Variants in PARM1 observed in about 807,000 individuals in gnomAD.
PARM1 encodes WSC4, cell wall integrity and stress response component 4 homolog.
Under a neutral mutation model 24.6 loss-of-function variants are expected in PARM1, and 14 were observed. The observed-to-expected ratio is 0.57, with a 90% CI of 0.38 to 0.89. The LOEUF (loss-of-function observed/expected upper bound fraction) is 0.89. Ranked by LOEUF, PARM1 falls within the 40% of genes least tolerant of loss-of-function variation. The probability of loss-of-function intolerance (pLI) is 0.00; values close to 1 mark genes in which losing one functional copy is unlikely to be tolerated. For synonymous variants in PARM1, 179 were observed against 156.6 expected (o/e 1.14, Z -1.07); for missense variants, 362 against 380.4 (o/e 0.95, Z 0.40).
chr4:74,979,462 GAAAT>G (rs1454064184), intron 1 of PARM1, among the ~76,000 whole-genome samples: 1 of 152,036 alleles, frequency 6.6e-6, no homozygotes, highest in African/African-American at 2.4e-5. Context: ...AATTGAGGCA[GAAAT>G]AAATAGCCTA....
At chr4:74,951,059 T>C (rs1386843135) in intron 1 of PARM1, among the ~76,000 whole-genome samples, 1 of 152,240 alleles carries the variant, frequency 6.6e-6, no homozygotes, top group Non-Finnish European at 1.5e-5. Context: ...ATGTTGCTCC[T>C]TGGAGACCAA....
intron 2 of PARM1, among the ~76,000 whole-genome samples, chr4:75,018,498 T>C (rs1723029593): frequency 6.6e-6 from 1 of 152,212 alleles, no homozygotes; most frequent in African/African-American, 2.4e-5. Context: ...GTCATTGTCA[T>C]GCACTGATAG....
chr4:75,027,509 TAAG>T (rs1723204797), intron 2 of PARM1, among the ~76,000 whole-genome samples: 1 of 152,182 alleles, frequency 6.6e-6, no homozygotes, highest in South Asian at 2.1e-4. Context: ...GTCTAAGAAC[TAAG>T]GTTTTCTTTT....
At position 74,933,222 on chromosome 4, in the gene PARM1, C is replaced by G; in HGVS notation, c.-106C>G. ...AGCTGTTCGCGCCTCCCGGCTCCCA[C>G]CGCAGCCCACCCGGCAGAGGAGTCG... On this transcript the variant is annotated 5_prime_UTR_variant, in exon 1 of 4. Coordinates refer to ENST00000307428, the MANE Select transcript of PARM1 (RefSeq NM_015393.4). The G allele has an allele frequency of 8.1e-6, 8 of 981,606 alleles. No individual in the cohort carries two copies. The South Asian group carries it at 1.2e-4, about 14-fold the overall frequency. The allele number at this position is 981,606 out of a possible 1,614,324, so 60.8% of individuals were successfully genotyped here.
chr4:74,960,675 T>C (rs1352157976), intron 1 of PARM1, among the ~76,000 whole-genome samples: 1 of 151,864 alleles, frequency 6.6e-6, no homozygotes, highest in East Asian at 1.9e-4. Context: ...AATAACCCAA[T>C]AGAAACATAC....
intron 1 of PARM1, among the ~76,000 whole-genome samples, chr4:74,964,054 G>A (rs1476774492): frequency 1.3e-5 from 2 of 152,190 alleles, no homozygotes; most frequent in African/African-American, 2.4e-5. Context: ...AGGGAATGGT[G>A]CGTGGTGTCA....
At chr4:74,936,367 A>G (rs1721183407) in intron 1 of PARM1, among the ~76,000 whole-genome samples, 1 of 151,148 alleles carries the variant, frequency 6.6e-6, no homozygotes, top group Non-Finnish European at 1.5e-5. Context: ...TAGCTTCCAC[A>G]TTTATCCCTC....
intron 3 of PARM1, among the ~76,000 whole-genome samples, chr4:75,045,391 G>C (rs1723581364): frequency 6.6e-6 from 1 of 152,256 alleles, no homozygotes; most frequent in South Asian, 2.1e-4. Context: ...GAACAGAGGA[G>C]TGATAACAAT....
intron 1 of PARM1, among the ~76,000 whole-genome samples, chr4:74,979,742 T>C (rs1722212496): frequency 6.6e-6 from 1 of 152,062 alleles, no homozygotes; most frequent in Non-Finnish European, 1.5e-5. Context: ...ACCAAACCCA[T>C]CTGCACATCA....
Position 74,934,557 on chromosome 4 carries a change from T to C in PARM1, c.43+1187T>C, listed in dbSNP as rs369276496. On this transcript the variant is annotated intron_variant, in intron 1 of 3. Transcript: ENST00000307428. ...ATTTTCTCTACTTAGTGAACGTCCGTCTGAGAAAACCTCTTTCTCGCTGGT... is the reference window on the plus strand; with the variant it reads ...ATTTTCTCTACTTAGTGAACGTCCGCCTGAGAAAACCTCTTTCTCGCTGGT... Among the ~76,000 whole-genome samples, 8 of 152,318 alleles carry C rather than the reference T, an allele frequency of 5.3e-5. No individual in the cohort carries two copies. In the East Asian group the frequency reaches 9.7e-4, roughly 18 times the overall value.
chr4:75,031,495 T>C (rs150923629), intron 2 of PARM1, among the ~76,000 whole-genome samples: 2 of 151,664 alleles, frequency 1.3e-5, no homozygotes, highest in East Asian at 3.9e-4. Flanking sequence ...ACCCATCATA[T>C]GGAGGAGAAG....
chr4:75,001,561 A>T (rs983051198), intron 1 of PARM1, among the ~76,000 whole-genome samples: 1 of 152,242 alleles, frequency 6.6e-6, no homozygotes, highest in South Asian at 2.1e-4. Flanking sequence ...AGGTATACAC[A>T]TGTAAAAATT....
intron 2 of PARM1, among the ~76,000 whole-genome samples, chr4:75,020,066 TGTA>T (rs960364269): frequency 6.7e-6 from 1 of 150,150 alleles, no homozygotes; most frequent in African/African-American, 2.4e-5. Flanking sequence ...AAATGTATAT[TGTA>T]GTAAGTTAAT....
At chr4:74,995,924 T>C (rs1722569030) in intron 1 of PARM1, among the ~76,000 whole-genome samples, 1 of 152,140 alleles carries the variant, frequency 6.6e-6, no homozygotes, top group South Asian at 2.1e-4. Context: ...CATGATTTGG[T>C]CCTGGATGAT....
intron 1 of PARM1, among the ~76,000 whole-genome samples, chr4:74,940,497 G>A (rs1029169159): frequency 2.0e-5 from 3 of 152,194 alleles, no homozygotes; most frequent in Admixed American, 6.5e-5. Context: ...GTGGTGGAAG[G>A]GGTAAGGCAG....
chr4:74,959,278 A>G (rs1300579202), intron 1 of PARM1, among the ~76,000 whole-genome samples: 1 of 152,202 alleles, frequency 6.6e-6, no homozygotes, highest in African/African-American at 2.4e-5. Context: ...CTATTTTACA[A>G]ATATCTCTCA....
chr4:75,031,686 C>T (rs1723280344), intron 2 of PARM1, among the ~76,000 whole-genome samples: 1 of 152,112 alleles, frequency 6.6e-6, no homozygotes, highest in South Asian at 2.1e-4. Flanking sequence ...CCTGTGATTT[C>T]CTATATTAAA....
chr4:75,023,744 A>G (rs1723128710), intron 2 of PARM1, among the ~76,000 whole-genome samples: 1 of 152,182 alleles, frequency 6.6e-6, no homozygotes, highest in Non-Finnish European at 1.5e-5. Context: ...ACAACTGAAG[A>G]TTTCTAGCTA....
chr4:74,944,476 T>A (rs1721370605), intron 1 of PARM1, among the ~76,000 whole-genome samples: 1 of 152,118 alleles, frequency 6.6e-6, no homozygotes, highest in Admixed American at 6.5e-5. Context: ...TGACCTGTGC[T>A]GGAGGCCCAG....
Sources: allele counts gnomAD v4.1 joint callset (sites outside exome capture counted in the v4.1 genomes callset), GRCh38; gene constraint gnomAD v4.1.1; transcripts MANE v1.5; gene names NCBI Gene and HGNC (gene_info 2026-07-23, HGNC 2026-07-21).